Variants in FAXC observed in about 807,000 individuals in gnomAD.
The protein encoded by FAXC is failed axon connections homolog.
Under a neutral mutation model 41.9 loss-of-function variants are expected in FAXC, and 10 were observed. The ratio of observed to expected loss-of-function variants is 0.24; its 90% CI spans 0.15 to 0.41. The LOEUF (loss-of-function observed/expected upper bound fraction) is 0.41. FAXC is among the 10% of genes least tolerant of loss of function. The pLI, the probability that FAXC is intolerant of heterozygous loss-of-function variation, is 1.00. For synonymous variants in FAXC, 183 were observed against 183.8 expected, an observed-to-expected ratio of 1.00 and a Z score of 0.03; for missense variants, 399 against 510.9, an observed-to-expected ratio of 0.78 and a Z score of 2.11.
intron 5 of FAXC, among the ~76,000 whole-genome samples, chr6:99,281,921 G>A (rs1003336799): frequency 1.3e-5 from 2 of 152,214 alleles, no homozygotes; most frequent in African/African-American, 2.4e-5. Context: ...CAGCCACTAG[G>A]CTTTCTGGGA....
intron 4 of FAXC, among the ~76,000 whole-genome samples, chr6:99,293,714 CTGTGTG>C (rs72463794): frequency 1.6e-4 from 10 of 64,112 alleles, no homozygotes; most frequent in Non-Finnish European, 2.6e-4. Flanking sequence ...GTGTGTGTGT[CTGTGTG>C]TGTGTGTGTG....
At position 99,349,415 on chromosome 6, in the gene FAXC, G is replaced by A; in HGVS notation, c.-43C>T. 3 of 1,500,642 alleles carry A rather than the reference G, an allele frequency of 2.0e-6. No homozygotes were observed. Among genetic ancestry groups the A allele is most frequent in the Non-Finnish European group, 2.7e-6 (3 of 1,129,298 alleles). The allele number at this position is 1,500,642 out of a possible 1,614,324, so 93.0% of individuals were successfully genotyped here. The stretch of plus-strand genomic sequence containing the variant: ...GGGCGCCCCTCCCAGGGCCCGCGCC[G>A]CCCGCATGGGAAGGGGCCGGCGCGG... On this transcript the variant is annotated 5_prime_UTR_variant, in exon 1 of 6. Transcript: ENST00000389677.
At chr6:99,299,815 A>C (rs1771634969) in intron 4 of FAXC, among the ~76,000 whole-genome samples, 2 of 152,160 alleles carry the variant, frequency 1.3e-5, no homozygotes, top group South Asian at 4.1e-4. Flanking sequence ...ATGTAAGACA[A>C]GCCACTTCCT....
chr6:99,340,886 C>G (rs1562186611), intron 2 of FAXC, among the ~76,000 whole-genome samples: 2 of 152,044 alleles, frequency 1.3e-5, no homozygotes, highest in Admixed American at 1.3e-4. Context: ...TCAGGCTGGT[C>G]TTGAACTCCT....
intron 4 of FAXC, among the ~76,000 whole-genome samples, chr6:99,303,813 T>C (rs1771809513): frequency 6.6e-6 from 1 of 152,216 alleles, no homozygotes; most frequent in African/African-American, 2.4e-5. Context: ...GCCATGGTTG[T>C]AAGGCAAGTT....
At position 99,349,453 on chromosome 6, in the gene FAXC, T is replaced by C. The variant is rs1773718360; in HGVS notation, c.-81A>G. The C allele has an allele frequency of 9.5e-7, 1 of 1,051,010 alleles. No homozygotes were observed. Among genetic ancestry groups the C allele is most frequent in the Non-Finnish European group, 1.1e-6 (1 of 871,240 alleles). The allele number at this position is 1,051,010 out of a possible 1,614,324, so 65.1% of individuals were successfully genotyped here. A position where few individuals can be genotyped will look rare whatever the true frequency, so the allele number is the denominator to read the frequency against. ...GGGGCCGGCGCGGCCCGGCGCGGGC[T>C]CAGAGGCGCGCGGAGGGCGCGGGCG... On this transcript the variant is annotated 5_prime_UTR_variant, in exon 1 of 6. Coordinates refer to ENST00000389677, the MANE Select transcript of FAXC (RefSeq NM_032511.4).
intron 4 of FAXC, among the ~76,000 whole-genome samples, chr6:99,296,849 C>A (rs1771518032): frequency 6.6e-6 from 1 of 152,076 alleles, no homozygotes; most frequent in South Asian, 2.1e-4. Context: ...TACTGTGGGG[C>A]TGGAAAATGA....
At chr6:99,350,000 A>C (rs1773755299), upstream of FAXC, 1 of 152,172 alleles carries the variant, frequency 6.6e-6, no homozygotes, top group Admixed American at 6.5e-5. Context: ...CAGAGTAGGG[A>C]ACGCGCAGGA....
chr6:99,322,622 G>C (rs1378726277), intron 4 of FAXC, among the ~76,000 whole-genome samples: 1 of 152,134 alleles, frequency 6.6e-6, no homozygotes, highest in Admixed American at 6.5e-5. Flanking sequence ...GGAGGACTTG[G>C]CTCCCTGTAC....
At chr6:99,340,666 C>CTTTTTT (rs61071426) in intron 2 of FAXC, among the ~76,000 whole-genome samples, 1 of 96,952 alleles carries the variant, frequency 1.0e-5, no homozygotes, top group Non-Finnish European at 2.0e-5. Context: ...GCTAAAATTC[C>CTTTTTT]TTTTTTTTTT....
At position 99,349,383 on chromosome 6, in the gene FAXC, TG is replaced by T; in HGVS notation, c.-12del. ...AACCCCCCAGTGCATGCTGCGCGGC[TG>T]GCTCCGGGCGCCCCTCCCAGGGCCC... On this transcript the variant is annotated 5_prime_UTR_variant, in exon 1 of 6. Coordinates refer to ENST00000389677, the MANE Select transcript of FAXC (RefSeq NM_032511.4). 6.3e-7 allele frequency: 1 copy of T among 1,596,074 alleles called. No homozygotes were observed. The highest frequency in any genetic ancestry group is 1.1e-5 in the South Asian group (1 of 89,900).
intron 3 of FAXC, among the ~76,000 whole-genome samples, chr6:99,328,635 C>A (rs573436422): frequency 6.6e-6 from 1 of 152,192 alleles, no homozygotes; most frequent in East Asian, 1.9e-4. Flanking sequence ...CCTAACCTTT[C>A]CCGACCACCA....
intron 4 of FAXC, among the ~76,000 whole-genome samples, chr6:99,298,188 T>C (rs773104128): frequency 6.6e-6 from 1 of 151,990 alleles, no homozygotes; most frequent in Non-Finnish European, 1.5e-5. Flanking sequence ...GAGTATATCA[T>C]TGGTCTTAAA....
chr6:99,280,072 A>G lies in FAXC; in HGVS notation c.*1092T>C, dbSNP rs1225229914. 2 of 152,228 alleles carry G rather than the reference A, an allele frequency of 1.3e-5. No individual in the cohort carries two copies. The highest frequency in any genetic ancestry group is 2.9e-5 in the Non-Finnish European group (2 of 68,034). The allele number at this position is 152,228 out of a possible 1,614,324, so 9.4% of individuals were successfully genotyped here. Reference sequence around the variant, plus strand: ...TATACCTGAGATTTATTCTTCTCAAATAAATCAAACATAGGCAACGTAACA... The same window carrying G: ...TATACCTGAGATTTATTCTTCTCAAGTAAATCAAACATAGGCAACGTAACA... On this transcript the variant is annotated 3_prime_UTR_variant, in exon 6 of 6. Coordinates refer to ENST00000389677, the MANE Select transcript of FAXC (RefSeq NM_032511.4).
intron 4 of FAXC, among the ~76,000 whole-genome samples, chr6:99,302,459 C>G (rs1050019260): frequency 1.3e-5 from 2 of 152,182 alleles, no homozygotes; most frequent in African/African-American, 4.8e-5. Context: ...GGCTCAAGAC[C>G]AGCCTGGCCA....
chr6:99,338,439 G>A (rs556422544), intron 2 of FAXC, among the ~76,000 whole-genome samples: 46 of 152,128 alleles, frequency 3.0e-4, no homozygotes, highest in Non-Finnish European at 4.9e-4. Flanking sequence ...AGGGCTTGAC[G>A]GCTTGAAGGG....
At chr6:99,340,383 G>A (rs1193990118) in intron 2 of FAXC, among the ~76,000 whole-genome samples, 1 of 151,952 alleles carries the variant, frequency 6.6e-6, no homozygotes, top group Non-Finnish European at 1.5e-5. Context: ...TTACAGGCAT[G>A]AGCCACCAGC....
intron 5 of FAXC, among the ~76,000 whole-genome samples, chr6:99,287,992 C>G (rs1771086432): frequency 6.6e-6 from 1 of 152,148 alleles, no homozygotes; most frequent in Non-Finnish European, 1.5e-5. Flanking sequence ...CAACAATGTG[C>G]CAAAAGCCCC....
chr6:99,325,399 G>A (rs905438621), intron 3 of FAXC, among the ~76,000 whole-genome samples: 1 of 152,106 alleles, frequency 6.6e-6, no homozygotes, highest in African/African-American at 2.4e-5. Flanking sequence ...CTTTTTAAAC[G>A]AATGCCCATA....
Sources: allele counts gnomAD v4.1 joint callset (sites outside exome capture counted in the v4.1 genomes callset), GRCh38; gene constraint gnomAD v4.1.1; transcripts MANE v1.5; gene names NCBI Gene and HGNC (gene_info 2026-07-23, HGNC 2026-07-21).